The following LARP1B variants were observed in gnomAD, a reference collection of about 807,000 sequenced individuals.
The protein encoded by LARP1B is La ribonucleoprotein 1B.
Under a neutral mutation model 114.2 loss-of-function variants are expected in LARP1B, and 76 were observed. The observed-to-expected ratio is 0.67, with a 90% CI of 0.55 to 0.81. The LOEUF (loss-of-function observed/expected upper bound fraction) is 0.81. LARP1B is among the 30% of genes least tolerant of loss of function. The pLI is 0.00. For missense variants in LARP1B, 1,014 were observed against 1,075.8 expected, an observed-to-expected ratio of 0.94 and a Z score of 0.80; for synonymous variants, 345 against 348.0, an observed-to-expected ratio of 0.99 and a Z score of 0.10.
At chr4:128,062,152 G>A in intron 1 of LARP1B, 1 of 985,412 alleles carries the variant, frequency 1.0e-6, no homozygotes, top group South Asian at 4.7e-5. Context: ...GGACCAAAAA[G>A]CCTCCCCAGC....
chr4:128,092,999 T>G, intron 7 of LARP1B: 1 of 985,426 alleles, frequency 1.0e-6, no homozygotes, highest in Non-Finnish European at 1.2e-6. Flanking sequence ...ACAAAATTTC[T>G]GATCATGCAG....
At chr4:128,150,015 G>GT (rs1732007495) in intron 11 of LARP1B, among the ~76,000 whole-genome samples, 2 of 152,164 alleles carry the variant, frequency 1.3e-5, no homozygotes, top group African/African-American at 4.8e-5. Context: ...GCCAGGCATG[G>GT]TGGTGCACAC....
chr4:128,207,005 A>G (rs1362786901), intron 18 of LARP1B, among the ~76,000 whole-genome samples: 3 of 152,202 alleles, frequency 2.0e-5, no homozygotes, highest in Non-Finnish European at 2.9e-5. Context: ...ATATGAGAAC[A>G]CCCATCTTTT....
chr4:128,203,676 A>T (rs1756750318), intron 17 of LARP1B, among the ~76,000 whole-genome samples: 1 of 152,072 alleles, frequency 6.6e-6, no homozygotes, highest in South Asian at 2.1e-4. Context: ...GGCCGGCCAG[A>T]TGATTATTGT....
At chr4:128,196,710 A>G (rs1754283576) in intron 15 of LARP1B, among the ~76,000 whole-genome samples, 1 of 151,984 alleles carries the variant, frequency 6.6e-6, no homozygotes, top group Admixed American at 6.6e-5. Flanking sequence ...GTTATATATC[A>G]AAAGTATTGA....
chr4:128,061,720 C>A, intron 1 of LARP1B: 9 of 984,976 alleles, frequency 9.1e-6, no homozygotes, highest in Non-Finnish European at 1.1e-5. Context: ...CGATGCCCGC[C>A]GCCCATTCTC....
intron 15 of LARP1B, among the ~76,000 whole-genome samples, chr4:128,183,211 A>G (rs1351299261): frequency 1.3e-5 from 2 of 152,234 alleles, no homozygotes; most frequent in Non-Finnish European, 2.9e-5. Flanking sequence ...CAGTGTAGAC[A>G]AAACAGCCTT....
chr4:128,103,230 A>G (rs1300668072), intron 8 of LARP1B, among the ~76,000 whole-genome samples: 1 of 152,096 alleles, frequency 6.6e-6, no homozygotes, highest in African/African-American at 2.4e-5. Context: ...TGTAATTTTT[A>G]TATGATCCTT....
chr4:128,185,496 A>G (rs1750012289), intron 15 of LARP1B, among the ~76,000 whole-genome samples: 1 of 149,998 alleles, frequency 6.7e-6, no homozygotes, highest in Non-Finnish European at 1.5e-5. Context: ...AATGTCTATT[A>G]GATCTTTTGT....
chr4:128,113,943 C>T (rs1234486545), intron 9 of LARP1B, among the ~76,000 whole-genome samples: 1 of 151,988 alleles, frequency 6.6e-6, no homozygotes. Flanking sequence ...TGTGCCACCA[C>T]GCCCGGCTAA....
At chr4:128,112,059 T>A (rs1482166438) in intron 9 of LARP1B, among the ~76,000 whole-genome samples, 1 of 152,106 alleles carries the variant, frequency 6.6e-6, no homozygotes, top group Non-Finnish European at 1.5e-5. Flanking sequence ...CTGGAGTTAA[T>A]ATTTTTCCCA....
chr4:128,148,072 A>G (rs1389195304), intron 11 of LARP1B, among the ~76,000 whole-genome samples: 2 of 152,206 alleles, frequency 1.3e-5, no homozygotes, highest in Non-Finnish European at 2.9e-5. Context: ...AATGATCAAA[A>G]CATTCCTAAT....
Position 128,179,403 on chromosome 4 carries a change from T to C in LARP1B, c.1897-3T>C. 1 of 1,581,756 alleles carries C rather than the reference T, an allele frequency of 6.3e-7. No homozygotes were observed. ...TTGCAATGCTTGACTTTATTTTCTT[T>C]AGAGTCCAAGAAAGAGAAAAACAAG... On this transcript the variant is annotated splice_polypyrimidine_tract_variant and splice_region_variant and intron_variant, in intron 14 of 19. Transcript: ENST00000326639.
intron 11 of LARP1B, among the ~76,000 whole-genome samples, chr4:128,126,298 T>C (rs1231781134): frequency 6.6e-6 from 1 of 151,956 alleles, no homozygotes; most frequent in East Asian, 1.9e-4. Flanking sequence ...ATTTTTTATG[T>C]TTTTTGTAGA....
At chr4:128,158,535 A>G (rs531765015) in intron 11 of LARP1B, among the ~76,000 whole-genome samples, 2 of 152,300 alleles carry the variant, frequency 1.3e-5, no homozygotes, top group South Asian at 4.1e-4. Flanking sequence ...TATTTACAAT[A>G]TTTTATAAAG....
chr4:128,181,170 C>T (rs1442289212), intron 15 of LARP1B, among the ~76,000 whole-genome samples: 2 of 143,004 alleles, frequency 1.4e-5, no homozygotes, highest in Non-Finnish European at 3.0e-5. Context: ...ATTTATTTTT[C>T]TCATCCATTC....
intron 10 of LARP1B, among the ~76,000 whole-genome samples, chr4:128,121,223 A>G (rs1787859691): frequency 6.6e-6 from 1 of 152,234 alleles, no homozygotes; most frequent in Non-Finnish European, 1.5e-5. Flanking sequence ...AAACTATGTT[A>G]TTATCATTGT....
At chr4:128,098,743 A>ATGTGTGTGTGTGTG (rs201554291) in intron 8 of LARP1B, among the ~76,000 whole-genome samples, 2 of 24,350 alleles carry the variant, frequency 8.2e-5, no homozygotes, top group African/African-American at 1.1e-4. Flanking sequence ...CTGTATATGT[A>ATGTGTGTGTGTGTG]TGTGTATATA....
At chr4:128,220,272 C>G (rs897009917) in intron 6 of LARP1B, 15 of 405,730 alleles carry the variant, frequency 3.7e-5, no homozygotes, top group Admixed American at 1.3e-4. Context: ...AGTGTCACCA[C>G]TTTCCTTTGT....
Sources: gnomAD v4.1 joint callset for allele counts (sites outside exome capture counted in the v4.1 genomes callset) on GRCh38, gnomAD v4.1.1 for gene constraint, MANE v1.5 for transcripts, NCBI Gene and HGNC (gene_info 2026-07-23, HGNC 2026-07-21) for gene names.